THSD7A: variants seen among roughly 807,000 people sequenced by gnomAD.
THSD7A encodes the protein thrombospondin type-1 domain-containing protein 7A.
THSD7A carries 96 observed loss-of-function variants against 231.3 expected under a neutral mutation model. The observed-to-expected ratio is 0.41, with a 90% CI of 0.35 to 0.49. The LOEUF is 0.49. THSD7A is among the 20% of genes least tolerant of loss of function. THSD7A has a pLI of 0.05. For missense variants in THSD7A, 2,290 were observed against 2,070.2 expected, an observed-to-expected ratio of 1.11 and a Z score of -2.06; for synonymous variants, 940 against 743.3, an observed-to-expected ratio of 1.26 and a Z score of -4.30.
chr7:11,502,509 A>T (rs1787377718), intron 6 of THSD7A, among the ~76,000 whole-genome samples: 3 of 152,244 alleles, frequency 2.0e-5, no homozygotes, highest in Admixed American at 6.5e-5. Context: ...GTGATTCATC[A>T]TATAAACAGA....
At position 11,636,420 on chromosome 7, in the gene THSD7A, A is replaced by G. The variant is rs771114292; in HGVS notation, c.732T>C (p.Ser244=). The G allele has an allele frequency of 6.2e-7, 1 of 1,613,660 alleles. No individual in the cohort carries two copies. Among genetic ancestry groups the G allele is most frequent in the Middle Eastern group, 1.6e-4 (1 of 6,062 alleles). Residue 244 remains serine, a synonymous_variant, in exon 2 of 28, where the codon AGT becomes AGC. Coordinates refer to ENST00000423059, the MANE Select transcript of THSD7A (RefSeq NM_015204.3). The surrounding 1 kb of genome is among the most constrained non-coding windows in gnomAD (Gnocchi z 10.0). ...ACCTGAGCTCCTCGGCCTCGCATGG[A>G]CTGGATTGGCACACCTGGAACTCCG... ...NLTEFQVCQS[S]PCEAEELRYS...
chr7:11,611,988 T>A (rs574641782), intron 2 of THSD7A, among the ~76,000 whole-genome samples: 13 of 152,170 alleles, frequency 8.5e-5, no homozygotes, highest in Non-Finnish European at 1.5e-4. Context: ...CCCTCTAGCT[T>A]TCTAATTGCT....
At chr7:11,670,900 A>AT (rs1418956936) in intron 1 of THSD7A, among the ~76,000 whole-genome samples, 1 of 152,188 alleles carries the variant, frequency 6.6e-6, no homozygotes, top group Non-Finnish European at 1.5e-5. Flanking sequence ...AAATGCTTAC[A>AT]TTTTCTTGAC....
intron 1 of THSD7A, among the ~76,000 whole-genome samples, chr7:11,770,140 C>T (rs917874255): frequency 1.3e-5 from 2 of 152,118 alleles, no homozygotes; most frequent in Middle Eastern, 6.8e-3. Flanking sequence ...TTTCATCATA[C>T]ATTTTTTAAT....
chr7:11,380,527 T>G (rs1318388255), intron 24 of THSD7A, among the ~76,000 whole-genome samples: 1 of 152,178 alleles, frequency 6.6e-6, no homozygotes, highest in African/African-American at 2.4e-5. Context: ...ATTGTCTGTG[T>G]TTCTCTCAAT....
rs1179303594 is a variant in THSD7A at position 11,760,372 on chromosome 7, C to CA, written c.190+71384dup. Among the ~76,000 whole-genome samples the CA allele has an allele frequency of 1.4e-4, 21 of 150,728 alleles. 1 individual carries two copies. Among genetic ancestry groups the CA allele is most frequent in the South Asian group, 1.3e-3 (6 of 4,768 alleles). On this transcript the variant is annotated intron_variant, in intron 1 of 27. Coordinates refer to ENST00000423059, the MANE Select transcript of THSD7A (RefSeq NM_015204.3). ...TTAAAGAAAACAAATCTGTAGTGGG[C>CA]AAAAAAAAGAAATAGGATGTATTTT...
chr7:11,635,312 C>T (rs1441557890), intron 2 of THSD7A, among the ~76,000 whole-genome samples: 1 of 152,038 alleles, frequency 6.6e-6, no homozygotes, highest in Admixed American at 6.6e-5. Context: ...TCTGAAAAAG[C>T]AATTATGCAA....
intron 4 of THSD7A, among the ~76,000 whole-genome samples, chr7:11,576,321 T>C (rs561404845): frequency 1.3e-4 from 20 of 152,350 alleles, no homozygotes; most frequent in African/African-American, 4.6e-4. Flanking sequence ...CTTTTCTAAC[T>C]GCGCATAAAC....
chr7:11,611,852 A>G (rs1584079760), intron 2 of THSD7A, among the ~76,000 whole-genome samples: 28 of 147,020 alleles, frequency 1.9e-4, no homozygotes, highest in South Asian at 6.5e-4. Flanking sequence ...CTATCTATCT[A>G]TCTATCTATC....
chr7:11,603,210 G>C (rs1780610632), intron 2 of THSD7A, among the ~76,000 whole-genome samples: 2 of 151,938 alleles, frequency 1.3e-5, no homozygotes, highest in Non-Finnish European at 2.9e-5. Context: ...ATGAAAAAGT[G>C]GGCGAAGGAC....
intron 1 of THSD7A, among the ~76,000 whole-genome samples, chr7:11,642,519 G>A (rs1782123422): frequency 6.6e-6 from 1 of 152,128 alleles, no homozygotes; most frequent in African/African-American, 2.4e-5. Context: ...AACATGTGCA[G>A]AACACTTAGC....
At chr7:11,695,573 G>A (rs758328260) in intron 1 of THSD7A, among the ~76,000 whole-genome samples, 3 of 151,494 alleles carry the variant, frequency 2.0e-5, no homozygotes, top group Non-Finnish European at 3.0e-5. Flanking sequence ...GACCAATGAA[G>A]TATGAACTGA....
intron 2 of THSD7A, among the ~76,000 whole-genome samples, chr7:11,630,605 A>G (rs1026408633): frequency 5.3e-5 from 8 of 152,160 alleles, no homozygotes; most frequent in African/African-American, 1.7e-4. Flanking sequence ...AATCTGTTTA[A>G]AATCCTAAAT....
chr7:11,703,235 T>A (rs552557990), intron 1 of THSD7A, among the ~76,000 whole-genome samples: 1 of 151,220 alleles, frequency 6.6e-6, no homozygotes, highest in East Asian at 2.0e-4. Context: ...AGAAAATATT[T>A]TTTTTCCCAA....
chr7:11,619,466 C>T (rs1018052275), intron 2 of THSD7A, among the ~76,000 whole-genome samples: 11 of 149,962 alleles, frequency 7.3e-5, no homozygotes, highest in African/African-American at 2.2e-4. Flanking sequence ...TGGACTCCTG[C>T]GGTGGAATCA....
At chr7:11,462,169 C>T in intron 9 of THSD7A, 26 bp from the exon 10 acceptor site, 2 of 1,612,140 alleles carry the variant, frequency 1.2e-6, no homozygotes, top group East Asian at 2.2e-5. Flanking sequence ...TTTTTAACCT[C>T]TGTACTTTAC....
At chr7:11,510,342 T>G (rs978375334) in intron 6 of THSD7A, among the ~76,000 whole-genome samples, 14 of 152,132 alleles carry the variant, frequency 9.2e-5, no homozygotes, top group African/African-American at 3.1e-4. Flanking sequence ...TTCTACCAGA[T>G]GTACAAAGAG....
At chr7:11,824,589 A>G (rs888560526) in intron 1 of THSD7A, among the ~76,000 whole-genome samples, 6 of 152,140 alleles carry the variant, frequency 3.9e-5, no homozygotes, top group Admixed American at 1.3e-4. Context: ...GAGTGACCTA[A>G]GTTACTCCAG....
At chr7:11,671,950 T>C (rs1009068005) in intron 1 of THSD7A, among the ~76,000 whole-genome samples, 9 of 152,178 alleles carry the variant, frequency 5.9e-5, no homozygotes, top group Non-Finnish European at 1.2e-4. Context: ...TCCTTCTCTT[T>C]TTGTTCTCTT....
Sources: gnomAD v4.1 joint callset for allele counts (sites outside exome capture counted in the v4.1 genomes callset) on GRCh38, gnomAD v4.1.1 for gene constraint, Gnocchi (gnomAD v3.1) non-coding constraint, MANE v1.5 for transcripts, NCBI Gene and HGNC (gene_info 2026-07-23, HGNC 2026-07-21) for gene names.